PCDHGB2: variants seen among roughly 807,000 people sequenced by gnomAD.
PCDHGB2 encodes the protein protocadherin gamma-B2.
A neutral mutation model predicts 59.3 loss-of-function variants in PCDHGB2; 55 were observed. That is an observed-to-expected ratio of 0.93 (90% CI 0.75 to 1.16). PCDHGB2 has a LOEUF of 1.16. PCDHGB2 is among the 50% of genes most tolerant of loss of function. The probability of loss-of-function intolerance (pLI) is 0.00; values close to 1 mark genes in which losing one functional copy is unlikely to be tolerated. For synonymous variants in PCDHGB2, 516 were observed against 512.0 expected, an observed-to-expected ratio of 1.01 and a Z score of -0.11; for missense variants, 1,228 against 1,198.5, an observed-to-expected ratio of 1.02 and a Z score of -0.36.
intron 1 of PCDHGB2, chr5:141,417,612 T>C: frequency 1.6e-6 from 1 of 617,852 alleles, no homozygotes; most frequent in Non-Finnish European, 2.6e-6. Flanking sequence ...CGTCGGCCAG[T>C]GCAGAGCAAG....
chr5:141,370,283 A>G (rs1275076013), intron 1 of PCDHGB2: 2 of 944,824 alleles, frequency 2.1e-6, no homozygotes, highest in Non-Finnish European at 3.1e-6. Flanking sequence ...CACCCATTAG[A>G]GAACCCAAGC....
intron 1 of PCDHGB2, among the ~76,000 whole-genome samples, chr5:141,439,132 G>C (rs1180893484): frequency 6.6e-6 from 1 of 151,054 alleles, no homozygotes; most frequent in African/African-American, 2.4e-5. Context: ...GACAGAGGTT[G>C]CAGTGAGCTG....
rs372202008 is a variant in PCDHGB2, at chr5:141,404,550, C to T, written c.2421+41994C>T. The stretch of plus-strand genomic sequence containing the variant: ...TTTAGAGATTTGCAAATGCAGGTGA[C>T]GGCAAGTGACAGTGGAAGCCCACCA... On this transcript the variant is annotated intron_variant, in intron 1 of 3. Coordinates refer to ENST00000522605, the MANE Select transcript of PCDHGB2 (RefSeq NM_018923.3). The T allele has an allele frequency of 2.8e-4, 448 of 1,613,648 alleles. 1 individual carries two copies. The highest frequency in any genetic ancestry group is 9.8e-4 in the South Asian group (89 of 91,080).
chr5:141,364,488 G>A (rs144886424), intron 1 of PCDHGB2: 360 of 1,614,020 alleles, frequency 2.2e-4, no homozygotes, highest in Non-Finnish European at 2.9e-4. Context: ...AAGGACCTTG[G>A]GCTGGAGCCC....
At position 141,371,326 on chromosome 5, in the gene PCDHGB2, A is replaced by C. The variant is rs761989628; in HGVS notation, c.2421+8770A>C. ...ACTATTGGAGAACTGGACTTTGAAG[A>C]GAGAGATAGCTACACAATTGGGGTG... On this transcript the variant is annotated intron_variant, in intron 1 of 3. Coordinates refer to ENST00000522605, the MANE Select transcript of PCDHGB2 (RefSeq NM_018923.3). 55 of 1,613,874 alleles carry C rather than the reference A, an allele frequency of 3.4e-5. No homozygotes were observed. The highest frequency in any genetic ancestry group is 4.5e-5 in the Non-Finnish European group (53 of 1,179,892).
At chr5:141,396,830 G>C (rs1014090361) in intron 1 of PCDHGB2, among the ~76,000 whole-genome samples, 1 of 152,198 alleles carries the variant, frequency 6.6e-6, no homozygotes, top group African/African-American at 2.4e-5. Flanking sequence ...TGCATATTCA[G>C]TGGAGTGGGA....
chr5:141,372,442 A>T, intron 1 of PCDHGB2: 1 of 1,613,914 alleles, frequency 6.2e-7, no homozygotes, highest in South Asian at 1.1e-5. Flanking sequence ...ACTCCCTCTG[A>T]CCCTCAGGCG....
chr5:141,400,611 G>T (rs555600694), intron 1 of PCDHGB2: 1 of 1,573,002 alleles, frequency 6.4e-7, no homozygotes, highest in South Asian at 1.1e-5. Context: ...CAAGTCCAAT[G>T]AGTTGTCTTA....
At chr5:141,366,313 C>T (rs1764486391) in intron 1 of PCDHGB2, 1 of 1,613,760 alleles carries the variant, frequency 6.2e-7, no homozygotes, top group Non-Finnish European at 8.5e-7. Context: ...TCACGGTCAC[C>T]GTTGCCGTGG....
rs191953163 is a variant in PCDHGB2 at position 141,426,385 on chromosome 5, C to T, written c.2421+63829C>T. Reference sequence around the variant, plus strand: ...CTGCGGGGCACCCTCGGAGCAGATCCGCTACTCTATTCCAGAAGAAACGGT... The same window carrying T: ...CTGCGGGGCACCCTCGGAGCAGATCTGCTACTCTATTCCAGAAGAAACGGT... On this transcript the variant is annotated intron_variant, in intron 1 of 3. Transcript: ENST00000522605. 1.4e-3 allele frequency: 332 copies of T among 244,362 alleles called. 1 individual carries two copies. The highest frequency in any genetic ancestry group is 1.5e-3 in the Non-Finnish European group (188 of 121,940). 15.1% of individuals were successfully genotyped at this position (244,362 alleles called of 1,614,324 possible). A position where few individuals can be genotyped will look rare whatever the true frequency, so the allele number is the denominator to read the frequency against.
intron 1 of PCDHGB2, chr5:141,365,557 C>T (rs1763991052): frequency 1.2e-6 from 2 of 1,613,606 alleles, no homozygotes; most frequent in African/African-American, 1.3e-5. Flanking sequence ...CAACTAGGGA[C>T]CTGGACAGAG....
chr5:141,430,480 A>G (rs2097288752), intron 1 of PCDHGB2: 1 of 256,116 alleles, frequency 3.9e-6, no homozygotes, highest in Admixed American at 5.4e-5. Context: ...TTAAGATATA[A>G]AAACGAAATA....
At chr5:141,404,360 TC>T (rs780435528) in intron 1 of PCDHGB2, 1 of 1,613,900 alleles carries the variant, frequency 6.2e-7, no homozygotes. Context: ...CAGAGGTACT[TC>T]CATCTTCTCC....
At chr5:141,414,334 A>C in intron 1 of PCDHGB2, 1 of 1,613,782 alleles carries the variant, frequency 6.2e-7, no homozygotes, top group Non-Finnish European at 8.5e-7. Flanking sequence ...TGGACAGGTA[A>C]CCTGTTCCAT....
At position 141,371,452 on chromosome 5, in the gene PCDHGB2, C is replaced by A. The variant is rs1430739263; in HGVS notation, c.2421+8896C>A. The stretch of plus-strand genomic sequence containing the variant: ...CCGGAGATAACCCTGGCTTCTGAAT[C>A]CCAACATATACAAGAAGATGCTGAG... On this transcript the variant is annotated intron_variant, in intron 1 of 3. Coordinates refer to ENST00000522605, the MANE Select transcript of PCDHGB2 (RefSeq NM_018923.3). 3.7e-6 allele frequency: 6 copies of A among 1,613,858 alleles called. No homozygotes were observed. In the Admixed American group the frequency reaches 8.3e-5, roughly 22 times the overall value.
intron 1 of PCDHGB2, chr5:141,418,567 T>C: frequency 6.2e-7 from 1 of 1,614,014 alleles, no homozygotes; most frequent in Non-Finnish European, 8.5e-7. Flanking sequence ...TAGATGCCAA[T>C]GACAACCCCC....
At chr5:141,450,006 CTTT>C (rs1554136305) in intron 1 of PCDHGB2, among the ~76,000 whole-genome samples, 9 of 132,974 alleles carry the variant, frequency 6.8e-5, no homozygotes, top group Admixed American at 7.8e-5. Context: ...TGCCATGTCT[CTTT>C]TTTTTTTTTT....
intron 1 of PCDHGB2, chr5:141,404,343 A>G (rs2094516679): frequency 3.1e-6 from 5 of 1,613,902 alleles, no homozygotes; most frequent in Non-Finnish European, 4.2e-6. Flanking sequence ...CTCCCGGAAA[A>G]CAACGCCAGA....
rs926009065 is a variant in PCDHGB2, at chr5:141,488,023, AG to A, written c.2422-6782del. ...TCAGATTCTGAAGTACCTTAACTCT[AG>A]GTTACCATTTCCCAAGGGATTGAGG... On this transcript the variant is annotated intron_variant, in intron 1 of 3. Transcript: ENST00000522605. 1.4e-3 allele frequency among the ~76,000 whole-genome samples: 213 copies of A among 152,260 alleles called. 1 individual carries two copies. The highest frequency in any genetic ancestry group is 5.0e-3 in the African/African-American group (208 of 41,542).
Sources: allele counts gnomAD v4.1 joint callset (sites outside exome capture counted in the v4.1 genomes callset), GRCh38; gene constraint gnomAD v4.1.1; transcripts MANE v1.5; gene names NCBI Gene and HGNC (gene_info 2026-07-23, HGNC 2026-07-21).